AUTS2: variants seen among roughly 807,000 people sequenced by gnomAD.
AUTS2 encodes the protein activator of transcription and developmental regulator AUTS2.
Under a neutral mutation model 112.4 loss-of-function variants are expected in AUTS2, and 17 were observed. The observed-to-expected ratio is 0.15, with a 90% CI of 0.10 to 0.23. The LOEUF is 0.23. Among genes scored for constraint, AUTS2 ranks in the 10% least tolerant of loss-of-function variants. The probability of loss-of-function intolerance (pLI) is 1.00; values close to 1 mark genes in which losing one functional copy is unlikely to be tolerated. For missense variants in AUTS2, 1,510 were observed against 1,701.6 expected, an observed-to-expected ratio of 0.89 and a Z score of 1.98; for synonymous variants, 751 against 702.7, an observed-to-expected ratio of 1.07 and a Z score of -1.09.
chr7:70,565,004 A>G (rs1031439605), intron 5 of AUTS2, among the ~76,000 whole-genome samples: 1 of 152,158 alleles, frequency 6.6e-6, no homozygotes, highest in African/African-American at 2.4e-5. Flanking sequence ...AGGCTGAGGC[A>G]GAAGAATCGC....
chr7:70,100,651 C>T (rs1291757327), intron 2 of AUTS2, among the ~76,000 whole-genome samples: 1 of 149,836 alleles, frequency 6.7e-6, no homozygotes, highest in East Asian at 2.1e-4. Flanking sequence ...ATTGGTTGTA[C>T]CATTCTTTTG....
intron 5 of AUTS2, among the ~76,000 whole-genome samples, chr7:70,626,753 A>G (rs1804973209): frequency 6.6e-6 from 1 of 152,188 alleles, no homozygotes; most frequent in African/African-American, 2.4e-5. Context: ...CTTACAAATG[A>G]CAGCATTCAG....
intron 4 of AUTS2, among the ~76,000 whole-genome samples, chr7:70,406,601 G>A (rs1443455425): frequency 6.6e-6 from 1 of 152,190 alleles, no homozygotes; most frequent in African/African-American, 2.4e-5. Context: ...TAGCCATTAC[G>A]AGGCTGCTGG....
chr7:70,508,107 T>A (rs1799040860), intron 5 of AUTS2, among the ~76,000 whole-genome samples: 1 of 152,144 alleles, frequency 6.6e-6, no homozygotes, highest in African/African-American at 2.4e-5. Context: ...TGCAATTCCA[T>A]GGGGGTAGCT....
chr7:70,037,451 A>G (rs561681235), intron 2 of AUTS2, among the ~76,000 whole-genome samples: 4 of 152,344 alleles, frequency 2.6e-5, no homozygotes, highest in South Asian at 2.1e-4. Flanking sequence ...TTGTTTTCCT[A>G]TAGTAACCTT....
intron 5 of AUTS2, among the ~76,000 whole-genome samples, chr7:70,446,379 C>T (rs1796319322): frequency 6.6e-6 from 1 of 152,172 alleles, no homozygotes; most frequent in South Asian, 2.1e-4. Context: ...AATGATTTGT[C>T]CTGTCCTTTA....
chr7:70,557,439 G>A (rs1189996192), intron 5 of AUTS2, among the ~76,000 whole-genome samples: 1 of 152,230 alleles, frequency 6.6e-6, no homozygotes, highest in African/African-American at 2.4e-5. Flanking sequence ...GCCGAGTCAT[G>A]TTGATATTCT....
chr7:70,086,930 C>CT (rs34468600), intron 2 of AUTS2, among the ~76,000 whole-genome samples: 88 of 139,860 alleles, frequency 6.3e-4, no homozygotes, highest in South Asian at 9.1e-4. Flanking sequence ...TATAATTTTC[C>CT]TTTTTTTTTT....
At chr7:69,631,373 A>G (rs543742759) in intron 1 of AUTS2, among the ~76,000 whole-genome samples, 1 of 152,196 alleles carries the variant, frequency 6.6e-6, no homozygotes, top group Non-Finnish European at 1.5e-5. Context: ...TTTCTGTCCT[A>G]CTTAAAATAT....
At chr7:69,758,739 GT>G (rs371310201) in intron 1 of AUTS2, among the ~76,000 whole-genome samples, 1 of 152,098 alleles carries the variant, frequency 6.6e-6, no homozygotes, top group Non-Finnish European at 1.5e-5. Context: ...GTGGAGGTGT[GT>G]TTTTTTCTTC....
At chr7:70,743,829 T>A (rs1336003433) in intron 6 of AUTS2, among the ~76,000 whole-genome samples, 3 of 152,226 alleles carry the variant, frequency 2.0e-5, no homozygotes, top group Non-Finnish European at 4.4e-5. Flanking sequence ...GCCCATAGTT[T>A]TGACTGGGGC....
At chr7:70,402,871 T>TAAA (rs1237468497) in intron 4 of AUTS2, among the ~76,000 whole-genome samples, 5 of 152,174 alleles carry the variant, frequency 3.3e-5, no homozygotes, top group Non-Finnish European at 7.3e-5. Context: ...ACTGGGTTTT[T>TAAA]CCCCAGTCGT....
At chr7:70,337,766 ATGTT>A (rs1322421415) in intron 4 of AUTS2, among the ~76,000 whole-genome samples, 3 of 152,330 alleles carry the variant, frequency 2.0e-5, no homozygotes, top group Non-Finnish European at 2.9e-5. Context: ...GTGTTCATGC[ATGTT>A]AACATGTGTG....
chr7:70,109,774 T>C (rs958843458), intron 2 of AUTS2, among the ~76,000 whole-genome samples: 3 of 152,160 alleles, frequency 2.0e-5, no homozygotes, highest in Non-Finnish European at 2.9e-5. Context: ...TTATGGGGCA[T>C]GTCCGGTCCC....
rs372027314 is a variant in AUTS2, at chr7:70,736,546, G to A, written c.743-26324G>A. Among the ~76,000 whole-genome samples the A allele has an allele frequency of 8.1e-4, 124 of 152,262 alleles. 1 individual carries two copies. The highest frequency in any genetic ancestry group is 7.7e-3 in the South Asian group (37 of 4,828). ...TTATAATATGCATGCTTTAAGGTAC[G>A]TCTATTCCTACTTTTAAAAGTGGCA... On this transcript the variant is annotated intron_variant, in intron 6 of 18. Coordinates refer to ENST00000342771, the MANE Select transcript of AUTS2 (RefSeq NM_015570.4).
intron 1 of AUTS2, among the ~76,000 whole-genome samples, chr7:69,730,822 A>G (rs1400128683): frequency 2.0e-5 from 3 of 152,234 alleles, no homozygotes; most frequent in Non-Finnish European, 2.9e-5. Context: ...ATGAACCACC[A>G]TGCTATTACC....
intron 5 of AUTS2, among the ~76,000 whole-genome samples, chr7:70,683,712 C>T (rs757967272): frequency 4.1e-4 from 62 of 152,220 alleles, no homozygotes; most frequent in Non-Finnish European, 8.2e-4. Context: ...GAGGAGCTGG[C>T]GGGTCTTTGT....
chr7:70,268,611 C>T (rs541627809), intron 4 of AUTS2, among the ~76,000 whole-genome samples: 94 of 151,888 alleles, frequency 6.2e-4, no homozygotes, highest in Non-Finnish European at 1.2e-3. Context: ...TCCATCTGAA[C>T]AAAAAAAATC....
At chr7:69,675,873 A>T (rs968252033) in intron 1 of AUTS2, among the ~76,000 whole-genome samples, 4 of 152,114 alleles carry the variant, frequency 2.6e-5, no homozygotes, top group African/African-American at 9.7e-5. Flanking sequence ...ATATATATTC[A>T]CATCTGAGGA....
Sources: gnomAD v4.1 joint callset for allele counts (sites outside exome capture counted in the v4.1 genomes callset) on GRCh38, gnomAD v4.1.1 for gene constraint, MANE v1.5 for transcripts, NCBI Gene and HGNC (gene_info 2026-07-23, HGNC 2026-07-21) for gene names.